PDE4D: variants seen among roughly 807,000 people sequenced by gnomAD.
PDE4D encodes the protein 3',5'-cyclic-AMP phosphodiesterase 4D.
PDE4D carries 24 observed loss-of-function variants against 87.4 expected under a neutral mutation model. The observed-to-expected ratio is 0.27, with a 90% CI of 0.20 to 0.39. The LOEUF is 0.39. PDE4D is among the 10% of genes least tolerant of loss of function. The pLI, the probability that PDE4D is intolerant of heterozygous loss-of-function variation, is 1.00. For missense variants in PDE4D, 714 were observed against 1,041.0 expected, an observed-to-expected ratio of 0.69 and a Z score of 4.32; for synonymous variants, 384 against 383.2, an observed-to-expected ratio of 1.00 and a Z score of -0.02.
At chr5:60,140,381 G>A (rs146928986) in intron 2 of PDE4D, among the ~76,000 whole-genome samples, 16 of 152,000 alleles carry the variant, frequency 1.1e-4, no homozygotes, top group Admixed American at 2.0e-4. Context: ...GGTGGAACTC[G>A]GGTATAGTCT....
chr5:60,039,250 T>C (rs1582307946), intron 2 of PDE4D, among the ~76,000 whole-genome samples: 1 of 152,140 alleles, frequency 6.6e-6, no homozygotes, highest in African/African-American at 2.4e-5. Context: ...TGCAATACTA[T>C]GCAGCCATAA....
chr5:59,167,547 T>C (rs1287551480), intron 5 of PDE4D, among the ~76,000 whole-genome samples: 1 of 152,200 alleles, frequency 6.6e-6, no homozygotes, highest in Non-Finnish European at 1.5e-5. Context: ...ATTCCCTAAA[T>C]TTCTGAATTA....
chr5:59,096,812 A>G (rs1003411742), intron 5 of PDE4D, among the ~76,000 whole-genome samples: 1 of 152,228 alleles, frequency 6.6e-6, no homozygotes. Flanking sequence ...AACAGTATCT[A>G]TGGTCTACCT....
chr5:59,320,633 T>C (rs1263891197), intron 1 of PDE4D, among the ~76,000 whole-genome samples: 2 of 152,132 alleles, frequency 1.3e-5, no homozygotes, highest in Non-Finnish European at 2.9e-5. Context: ...CTTTAAAATC[T>C]CAAAATCATT....
chr5:59,176,461 G>A (rs548077752), intron 5 of PDE4D, among the ~76,000 whole-genome samples: 1 of 152,130 alleles, frequency 6.6e-6, no homozygotes, highest in South Asian at 2.1e-4. Flanking sequence ...GGCTGAGGCA[G>A]GAGAATTGCT....
intron 1 of PDE4D, among the ~76,000 whole-genome samples, chr5:60,244,494 T>G (rs528831755): frequency 6.6e-6 from 1 of 151,916 alleles, no homozygotes; most frequent in South Asian, 2.1e-4. Flanking sequence ...TAGCCAAATC[T>G]ATCCTAATCA....
chr5:59,544,928 C>A (rs1189952850), intron 1 of PDE4D, among the ~76,000 whole-genome samples: 2 of 152,178 alleles, frequency 1.3e-5, no homozygotes, highest in African/African-American at 4.8e-5. Flanking sequence ...TTTTCTAGCA[C>A]TCACTACATC....
intron 1 of PDE4D, among the ~76,000 whole-genome samples, chr5:59,818,013 A>G (rs1172038519): frequency 6.6e-6 from 1 of 152,186 alleles, no homozygotes; most frequent in Non-Finnish European, 1.5e-5. Context: ...AGAGATCAAG[A>G]GAGGTGGTTA....
At chr5:59,942,350 G>A (rs2152799084) in intron 3 of PDE4D, among the ~76,000 whole-genome samples, 1 of 152,280 alleles carries the variant, frequency 6.6e-6, no homozygotes, top group Non-Finnish European at 1.5e-5. Context: ...ATGTGACTCT[G>A]GGCATTGGCC....
chr5:59,709,649 C>T (rs1753927480), intron 1 of PDE4D, among the ~76,000 whole-genome samples: 1 of 152,152 alleles, frequency 6.6e-6, no homozygotes, highest in Admixed American at 6.6e-5. Flanking sequence ...GGCTCAAGTG[C>T]TCAAGGATCT....
intron 1 of PDE4D, among the ~76,000 whole-genome samples, chr5:59,374,311 CAA>C (rs1426248617): frequency 6.6e-6 from 1 of 151,796 alleles, no homozygotes; most frequent in African/African-American, 2.4e-5. Flanking sequence ...CACATAGGCT[CAA>C]AATAAAGGGA....
chr5:60,236,538 A>T (rs1171608472), intron 1 of PDE4D, among the ~76,000 whole-genome samples: 5 of 151,804 alleles, frequency 3.3e-5, no homozygotes, highest in Admixed American at 3.3e-4. Flanking sequence ...GCTCCCTAAA[A>T]ATGTCTACAC....
intron 1 of PDE4D, among the ~76,000 whole-genome samples, chr5:60,279,138 G>T (rs1016810893): frequency 2.0e-5 from 3 of 152,124 alleles, no homozygotes; most frequent in African/African-American, 7.2e-5. Context: ...TTAGGAAGAG[G>T]CTCCTTATTA....
At chr5:60,322,367 TAC>T (rs60232413) in intron 1 of PDE4D, among the ~76,000 whole-genome samples, 19,363 of 132,606 alleles carry the variant, frequency 0.15, 1,353 homozygotes, top group East Asian at 0.18. Flanking sequence ...TGGACACACA[TAC>T]ACACACACAC....
At chr5:59,114,920 T>C (rs1207983825) in intron 5 of PDE4D, among the ~76,000 whole-genome samples, 1 of 152,040 alleles carries the variant, frequency 6.6e-6, no homozygotes, top group Non-Finnish European at 1.5e-5. Flanking sequence ...GTGTAAACTT[T>C]CTAGAAGTTT....
intron 2 of PDE4D, among the ~76,000 whole-genome samples, chr5:60,054,188 T>C (rs1303811708): frequency 1.3e-5 from 2 of 152,174 alleles, no homozygotes; most frequent in Admixed American, 6.5e-5. Context: ...TTACCGGATA[T>C]ATACCCAAAG....
chr5:60,060,944 GCTACTTCTGACAAAC>G (rs1433950405), intron 2 of PDE4D, among the ~76,000 whole-genome samples: 1 of 151,982 alleles, frequency 6.6e-6, no homozygotes, highest in African/African-American at 2.4e-5. Context: ...AGTAATAAGA[GCTACTTCTGACAAAC>G]CCACAGCCAA....
intron 3 of PDE4D, among the ~76,000 whole-genome samples, chr5:59,916,894 T>A (rs999057803): frequency 3.0e-4 from 45 of 151,712 alleles, no homozygotes; most frequent in African/African-American, 9.9e-4. Context: ...TTCAAGCAAT[T>A]TTCCTGCCTC....
intron 2 of PDE4D, among the ~76,000 whole-genome samples, chr5:60,048,788 TG>T (rs1335430061): frequency 6.6e-6 from 1 of 152,198 alleles, no homozygotes; most frequent in Non-Finnish European, 1.5e-5. Context: ...TCTCTCTGGC[TG>T]CCCTTAACAT....
Sources: allele counts gnomAD v4.1 joint callset (sites outside exome capture counted in the v4.1 genomes callset), GRCh38; gene constraint gnomAD v4.1.1; transcripts MANE v1.5; gene names NCBI Gene and HGNC (gene_info 2026-07-23, HGNC 2026-07-21).